Variants in LDB2 observed in about 807,000 individuals in gnomAD.
LDB2 encodes LIM domain-binding protein 2.
In LDB2, 12 loss-of-function variants were observed where a neutral mutation model predicts 44.3. The observed-to-expected ratio is 0.27, with a 90% CI of 0.17 to 0.44. The LOEUF (loss-of-function observed/expected upper bound fraction) is 0.44, where lower values mean the gene tolerates loss of function less well. Ranked by LOEUF, LDB2 falls within the 20% of genes least tolerant of loss-of-function variation. The pLI is 1.00. For missense variants in LDB2, 344 were observed against 473.5 expected (o/e 0.73, Z 2.54); for synonymous variants, 164 against 174.8 (o/e 0.94, Z 0.49).
intron 5 of LDB2, among the ~76,000 whole-genome samples, chr4:16,564,318 G>C (rs536285923): frequency 6.6e-6 from 1 of 152,088 alleles, no homozygotes; most frequent in South Asian, 2.1e-4. Flanking sequence ...CTGAGATCTC[G>C]TCACCGCACT....
At chr4:16,672,872 TCTTC>T (rs1020503605) in intron 2 of LDB2, among the ~76,000 whole-genome samples, 6 of 145,656 alleles carry the variant, frequency 4.1e-5, no homozygotes, top group Non-Finnish European at 9.1e-5. Flanking sequence ...TCCCTCTCTT[TCTTC>T]CTTCCTTCCT....
intron 1 of LDB2, chr4:16,888,670 T>G: frequency 1.0e-6 from 1 of 966,468 alleles, no homozygotes; most frequent in Non-Finnish European, 1.2e-6. Context: ...TTGGCATTAC[T>G]TACATTATTT....
intron 1 of LDB2, among the ~76,000 whole-genome samples, chr4:16,776,455 A>G (rs1417478677): frequency 6.6e-6 from 1 of 152,234 alleles, no homozygotes; most frequent in African/African-American, 2.4e-5. Context: ...CATCTCTTCC[A>G]AAGTCCAAGG....
intron 1 of LDB2, among the ~76,000 whole-genome samples, chr4:16,766,444 GT>G (rs1769235868): frequency 1.4e-5 from 2 of 147,286 alleles, no homozygotes; most frequent in Admixed American, 1.4e-4. Context: ...ATGTATGTGT[GT>G]GTATATATAT....
intron 2 of LDB2, among the ~76,000 whole-genome samples, chr4:16,609,672 C>CA (rs1262629413): frequency 6.6e-6 from 1 of 152,174 alleles, no homozygotes; most frequent in Non-Finnish European, 1.5e-5. Context: ...TAACTCCAGC[C>CA]AGAGGCTCAG....
rs1560494064 is a variant in LDB2 at position 16,566,194 on chromosome 4, A to G, written c.615+19728T>C. On this transcript the variant is annotated intron_variant, in intron 5 of 7. Transcript: ENST00000304523. ...TTAGATAATCTGATTCCAAAGTTCA[A>G]ATGAAAAAAAAGTCACAAGGATTCA... 2.0e-5 allele frequency among the ~76,000 whole-genome samples: 3 copies of G among 152,138 alleles called. No individual in the cohort carries two copies. In the East Asian group the frequency reaches 5.8e-4, roughly 29 times the overall value.
At chr4:16,751,191 G>A (rs780840334) in intron 2 of LDB2, among the ~76,000 whole-genome samples, 3 of 152,104 alleles carry the variant, frequency 2.0e-5, no homozygotes, top group Non-Finnish European at 2.9e-5. Context: ...AAGCCTGTAC[G>A]TTTGACAATT....
chr4:16,584,106 G>A (rs770525981), intron 5 of LDB2, among the ~76,000 whole-genome samples: 5 of 152,144 alleles, frequency 3.3e-5, no homozygotes, highest in Non-Finnish European at 1.5e-5. Flanking sequence ...GTTTCTCTAC[G>A]TGGCTCCAGC....
At chr4:16,650,997 CT>C (rs1202594657) in intron 2 of LDB2, among the ~76,000 whole-genome samples, 1 of 152,184 alleles carries the variant, frequency 6.6e-6, no homozygotes, top group Non-Finnish European at 1.5e-5. Flanking sequence ...AGCAACTTTC[CT>C]CCTTCTTTCA....
At chr4:16,809,985 A>G (rs1779528870) in intron 1 of LDB2, among the ~76,000 whole-genome samples, 1 of 152,234 alleles carries the variant, frequency 6.6e-6, no homozygotes, top group African/African-American at 2.4e-5. Context: ...ACTAATTGTC[A>G]GTATTGACAA....
At chr4:16,774,191 G>A (rs956477583) in intron 1 of LDB2, among the ~76,000 whole-genome samples, 13 of 144,134 alleles carry the variant, frequency 9.0e-5, no homozygotes, top group Non-Finnish European at 1.7e-4. Flanking sequence ...TAACTAGTCC[G>A]ATGCAATGCC....
intron 7 of LDB2, chr4:16,506,046 C>T (rs1719283910): frequency 1.2e-5 from 18 of 1,513,278 alleles, no homozygotes; most frequent in Non-Finnish European, 1.5e-5. Flanking sequence ...ACACACACAT[C>T]GCTGCCGCAG....
intron 2 of LDB2, among the ~76,000 whole-genome samples, chr4:16,632,572 T>C (rs1732296217): frequency 6.6e-6 from 1 of 152,184 alleles, no homozygotes. Flanking sequence ...GTATTGGAAA[T>C]TCTGGCTAGG....
intron 2 of LDB2, among the ~76,000 whole-genome samples, chr4:16,643,907 T>C (rs1267688351): frequency 6.6e-6 from 1 of 152,256 alleles, no homozygotes; most frequent in Non-Finnish European, 1.5e-5. Flanking sequence ...TTTTTGTGTG[T>C]GTGCAATGGC....
chr4:16,793,968 G>C (rs75942398), intron 1 of LDB2, among the ~76,000 whole-genome samples: 2 of 152,030 alleles, frequency 1.3e-5, no homozygotes, highest in African/African-American at 2.4e-5. Context: ...TACCCCTCTC[G>C]GTAATGTCTT....
At chr4:16,783,474 C>A (rs1018087868) in intron 1 of LDB2, among the ~76,000 whole-genome samples, 1 of 152,250 alleles carries the variant, frequency 6.6e-6, no homozygotes, top group Non-Finnish European at 1.5e-5. Context: ...AGGTTGTCCT[C>A]ACTTGGTGCC....
intron 1 of LDB2, among the ~76,000 whole-genome samples, chr4:16,883,460 G>C (rs1299625532): frequency 6.6e-6 from 1 of 152,164 alleles, no homozygotes; most frequent in Non-Finnish European, 1.5e-5. Context: ...AAAGCATATG[G>C]GCCTGCAATG....
chr4:16,810,870 G>T (rs1779716541), intron 1 of LDB2, among the ~76,000 whole-genome samples: 1 of 152,142 alleles, frequency 6.6e-6, no homozygotes, highest in South Asian at 2.1e-4. Flanking sequence ...CTCATTCTTA[G>T]TGTAAGAATA....
At chr4:16,682,306 C>A (rs1264573049) in intron 2 of LDB2, among the ~76,000 whole-genome samples, 1 of 152,122 alleles carries the variant, frequency 6.6e-6, no homozygotes, top group Non-Finnish European at 1.5e-5. Flanking sequence ...TATTTTATTT[C>A]TCTGAGGACA....
Sources: gnomAD v4.1 joint callset for allele counts (sites outside exome capture counted in the v4.1 genomes callset) on GRCh38, gnomAD v4.1.1 for gene constraint, MANE v1.5 for transcripts, NCBI Gene and HGNC (gene_info 2026-07-23, HGNC 2026-07-21) for gene names.